Variants in CHRM3 observed in about 807,000 individuals in gnomAD.
CHRM3 encodes muscarinic acetylcholine receptor M3.
In CHRM3, 11 loss-of-function variants were observed where a neutral mutation model predicts 41.8. That is an observed-to-expected ratio of 0.26 (90% confidence interval 0.17 to 0.44). The LOEUF (loss-of-function observed/expected upper bound fraction) is 0.44. Among genes scored for constraint, CHRM3 ranks in the 20% least tolerant of loss-of-function variants. The pLI, the probability that CHRM3 is intolerant of heterozygous loss-of-function variation, is 1.00. For synonymous variants in CHRM3, 297 were observed against 301.4 expected, an observed-to-expected ratio of 0.99 and a Z score of 0.15; for missense variants, 571 against 745.4, an observed-to-expected ratio of 0.77 and a Z score of 2.72.
chr1:239,692,089 C>G (rs1326132357), intron 5 of CHRM3, among the ~76,000 whole-genome samples: 1 of 152,186 alleles, frequency 6.6e-6, no homozygotes. Flanking sequence ...AAGGGTCTTG[C>G]TCTTAGGCAT....
At chr1:239,389,105 T>C (rs917636345) in intron 1 of CHRM3, among the ~76,000 whole-genome samples, 1 of 152,102 alleles carries the variant, frequency 6.6e-6, no homozygotes, top group Admixed American at 6.5e-5. Flanking sequence ...CGAATGAACA[T>C]GACAGTTGAA....
intron 6 of CHRM3, among the ~76,000 whole-genome samples, chr1:239,899,298 T>TGA (rs1256385514): frequency 7.2e-6 from 1 of 139,016 alleles, no homozygotes; most frequent in Non-Finnish European, 1.5e-5. Flanking sequence ...TGTGTGTGTG[T>TGA]GTGTGTGTGT....
intron 5 of CHRM3, among the ~76,000 whole-genome samples, chr1:239,761,808 TGC>T (rs1160440514): frequency 2.6e-5 from 4 of 152,306 alleles, no homozygotes; most frequent in African/African-American, 9.6e-5. Flanking sequence ...ATTGATCAGT[TGC>T]ACCGGACAGA....
chr1:239,528,982 A>T (rs549575565), intron 2 of CHRM3, among the ~76,000 whole-genome samples: 2 of 152,336 alleles, frequency 1.3e-5, no homozygotes, highest in African/African-American at 4.8e-5. Context: ...AACAATGTGG[A>T]TATTCTTCTC....
chr1:239,536,038 G>T (rs955749474), intron 2 of CHRM3, among the ~76,000 whole-genome samples: 2 of 152,126 alleles, frequency 1.3e-5, no homozygotes, highest in African/African-American at 4.8e-5. Context: ...TACTATTTAA[G>T]CCCCTTCATT....
intron 6 of CHRM3, among the ~76,000 whole-genome samples, chr1:239,831,282 C>T (rs1237261463): frequency 6.6e-6 from 1 of 152,066 alleles, no homozygotes; most frequent in East Asian, 1.9e-4. Flanking sequence ...CATCTATAAT[C>T]CTTTGATGTA....
chr1:239,451,977 A>T (rs528805766), intron 1 of CHRM3, among the ~76,000 whole-genome samples: 2 of 152,304 alleles, frequency 1.3e-5, no homozygotes, highest in East Asian at 3.9e-4. Context: ...ATCTATATTT[A>T]TTCTTACATT....
chr1:239,517,252 C>T (rs1042350749), intron 2 of CHRM3, among the ~76,000 whole-genome samples: 1 of 152,178 alleles, frequency 6.6e-6, no homozygotes, highest in Admixed American at 6.6e-5. Context: ...AAAGTGCTAG[C>T]TGTGTCTTAT....
chr1:239,622,038 A>G (rs1180682986), intron 3 of CHRM3, among the ~76,000 whole-genome samples: 1 of 152,134 alleles, frequency 6.6e-6, no homozygotes, highest in Non-Finnish European at 1.5e-5. Context: ...AGGGCCCTGA[A>G]GAATTATGTT....
chr1:239,392,772 A>G (rs2102924634), intron 1 of CHRM3, among the ~76,000 whole-genome samples: 1 of 152,330 alleles, frequency 6.6e-6, no homozygotes, highest in East Asian at 1.9e-4. Context: ...AAACTGTAGG[A>G]AAAAGGAGCT....
intron 1 of CHRM3, among the ~76,000 whole-genome samples, chr1:239,456,603 C>T (rs946030573): frequency 1.3e-5 from 2 of 152,114 alleles, no homozygotes; most frequent in African/African-American, 2.4e-5. Context: ...GATGCGTGAC[C>T]GTATGTGTTT....
chr1:239,851,342 C>A (rs1447798740), intron 6 of CHRM3, among the ~76,000 whole-genome samples: 1 of 152,082 alleles, frequency 6.6e-6, no homozygotes, highest in Non-Finnish European at 1.5e-5. Flanking sequence ...AAGATAATTT[C>A]TTTTTATTCA....
intron 1 of CHRM3, among the ~76,000 whole-genome samples, chr1:239,486,401 C>T (rs1485436137): frequency 6.6e-6 from 1 of 152,108 alleles, no homozygotes; most frequent in Admixed American, 6.5e-5. Context: ...CAGTGTCAGT[C>T]CCTTTTACTT....
chr1:239,431,935 G>C (rs1662865895), intron 1 of CHRM3, among the ~76,000 whole-genome samples: 1 of 152,108 alleles, frequency 6.6e-6, no homozygotes, highest in Non-Finnish European at 1.5e-5. Flanking sequence ...TACAACCCCA[G>C]TAATCCCCTG....
rs559082397 is a variant in CHRM3, at chr1:239,483,933, T to C, written c.-520-8776T>C. Among the ~76,000 whole-genome samples, 11 of 152,318 alleles carry C rather than the reference T, an allele frequency of 7.2e-5. No individual in the cohort carries two copies. In the South Asian group the frequency reaches 2.3e-3, roughly 32 times the overall value. On this transcript the variant is annotated intron_variant, in intron 1 of 6. Transcript: ENST00000676153. Reference sequence around the variant, plus strand: ...ATTTGGCTACCTTTCTCTTGGAAGCTTATTTTGTACAGGAAGGAAAACAGT... The same window carrying C: ...ATTTGGCTACCTTTCTCTTGGAAGCCTATTTTGTACAGGAAGGAAAACAGT...
chr1:239,591,059 A>C (rs1430180633), intron 3 of CHRM3, among the ~76,000 whole-genome samples: 1 of 152,192 alleles, frequency 6.6e-6, no homozygotes. Flanking sequence ...CATGGGAAAC[A>C]TAATAGGTTC....
intron 2 of CHRM3, among the ~76,000 whole-genome samples, chr1:239,508,597 T>G (rs1668724702): frequency 6.6e-6 from 1 of 152,220 alleles, no homozygotes; most frequent in East Asian, 1.9e-4. Context: ...TTATTCTACT[T>G]CAAGCATAAT....
At chr1:239,793,229 TC>T (rs1342471111) in intron 5 of CHRM3, among the ~76,000 whole-genome samples, 1 of 152,202 alleles carries the variant, frequency 6.6e-6, no homozygotes, top group African/African-American at 2.4e-5. Context: ...AGGGAATACT[TC>T]AGGATTTTTC....
chr1:239,508,434 A>T (rs928331712), intron 2 of CHRM3, among the ~76,000 whole-genome samples: 3 of 152,094 alleles, frequency 2.0e-5, no homozygotes, highest in African/African-American at 7.2e-5. Flanking sequence ...ACATCACTAG[A>T]TCTATTCTGG....
Sources: gnomAD v4.1 joint callset for allele counts (sites outside exome capture counted in the v4.1 genomes callset) on GRCh38, gnomAD v4.1.1 for gene constraint, MANE v1.5 for transcripts, NCBI Gene and HGNC (gene_info 2026-07-23, HGNC 2026-07-21) for gene names.